The following CNOT6 variants were observed in gnomAD, a reference collection of about 807,000 sequenced individuals.
CNOT6 encodes the protein CCR4-NOT transcription complex subunit 6, also known as carbon catabolite repression 4 protein.
Under a neutral mutation model 61.2 loss-of-function variants are expected in CNOT6, and 12 were observed. The observed-to-expected ratio is 0.20, with a 90% CI of 0.13 to 0.32. The LOEUF (loss-of-function observed/expected upper bound fraction) is 0.32. CNOT6 is among the 10% of genes least tolerant of loss of function. CNOT6 has a pLI of 1.00. For missense variants in CNOT6, 405 were observed against 663.9 expected, an observed-to-expected ratio of 0.61 and a Z score of 4.28; for synonymous variants, 225 against 240.6, an observed-to-expected ratio of 0.94 and a Z score of 0.60.
chr5:180,557,907 T>C (rs200360997), intron 4 of CNOT6, among the ~76,000 whole-genome samples: 11 of 107,764 alleles, frequency 1.0e-4, no homozygotes, highest in African/African-American at 2.7e-4. Context: ...AAGGTTCTTT[T>C]TGTGTGTGTG....
chr5:180,566,411 C>T (rs1019070582), intron 7 of CNOT6, among the ~76,000 whole-genome samples: 1 of 152,132 alleles, frequency 6.6e-6, no homozygotes, highest in Non-Finnish European at 1.5e-5. Context: ...TGATCTTGAA[C>T]ATGTTACTTT....
chr5:180,535,994 T>G (rs1294735059), intron 2 of CNOT6, among the ~76,000 whole-genome samples: 2 of 38,264 alleles, frequency 5.2e-5, no homozygotes, highest in Non-Finnish European at 1.7e-4. Flanking sequence ...TAGGGTTTTT[T>G]TTTTTTTTTT....
At chr5:180,519,276 A>G (rs1485836833) in intron 1 of CNOT6, among the ~76,000 whole-genome samples, 2 of 152,232 alleles carry the variant, frequency 1.3e-5, no homozygotes, top group Non-Finnish European at 2.9e-5. Flanking sequence ...GTGTCAGGCA[A>G]TTGTGCAAGC....
rs186809713 is a variant in CNOT6, at chr5:180,576,858, T to C, written c.*2658T>C. On this transcript the variant is annotated 3_prime_UTR_variant, in exon 12 of 12. Transcript: ENST00000261951. ...TTTTTCAAAAATTCTGTAACAAATA[T>C]ATTTAATGTGTTGCCATAATGTCAT... 9.2e-5 allele frequency: 14 copies of C among 152,328 alleles called. No homozygotes were observed. Among genetic ancestry groups the C allele is most frequent in the African/African-American group, 3.1e-4 (13 of 41,568 alleles). 9.4% of individuals were successfully genotyped at this position (152,328 alleles called of 1,614,324 possible).
chr5:180,514,362 C>T (rs909303340), intron 1 of CNOT6, among the ~76,000 whole-genome samples: 2 of 152,118 alleles, frequency 1.3e-5, no homozygotes, highest in African/African-American at 2.4e-5. Flanking sequence ...GCAGAGGTTG[C>T]GGTGAGCCGA....
At chr5:180,566,698 C>A (rs914781236) in intron 7 of CNOT6, among the ~76,000 whole-genome samples, 3 of 133,676 alleles carry the variant, frequency 2.2e-5, no homozygotes, top group African/African-American at 8.8e-5. Flanking sequence ...CTTTCTCTGT[C>A]CCCCAGGCTG....
In CNOT6 at chr5:180,547,975, C is replaced by G. The variant is rs958758567; in HGVS notation, c.113-1956C>G. 3.1e-4 allele frequency among the ~76,000 whole-genome samples: 47 copies of G among 152,302 alleles called. 1 individual carries two copies. The highest frequency in any genetic ancestry group is 1.1e-3 in the African/African-American group (46 of 41,560). On this transcript the variant is annotated intron_variant, in intron 2 of 11. Transcript: ENST00000261951. ...TCTTGAACTCCTGACTTCAGGTGAT[C>G]TGCCCGCCTCAGCTTCCCAAAGTGC...
chr5:180,553,134 T>C (rs1401428996), intron 3 of CNOT6, among the ~76,000 whole-genome samples: 2 of 152,222 alleles, frequency 1.3e-5, no homozygotes, highest in East Asian at 1.9e-4. Flanking sequence ...TCTAATACTT[T>C]TTAAAAATTG....
chr5:180,512,687 C>G (rs1170779449), intron 1 of CNOT6, among the ~76,000 whole-genome samples: 1 of 151,064 alleles, frequency 6.6e-6, no homozygotes, highest in African/African-American at 2.5e-5. Flanking sequence ...GCCTCCACCT[C>G]CCAGGTTCAA....
Position 180,575,291 on chromosome 5 carries a change from T to C in CNOT6, c.*1091T>C, listed in dbSNP as rs576560028. On this transcript the variant is annotated 3_prime_UTR_variant, in exon 12 of 12. Coordinates refer to ENST00000261951, the MANE Select transcript of CNOT6 (RefSeq NM_001370472.1). ...TGTGGCTTTTTCCCATTGTGAAGCA[T>C]TGAATATCACATTTTGGAACATGTT... 1 of 152,342 alleles carries C rather than the reference T, an allele frequency of 6.6e-6. No homozygotes were observed. Among genetic ancestry groups the C allele is most frequent in the African/African-American group, 2.4e-5 (1 of 41,560 alleles). The allele number at this position is 152,342 out of a possible 1,614,324, so 9.4% of individuals were successfully genotyped here.
At chr5:180,559,090 T>C (rs1487175046) in intron 4 of CNOT6, among the ~76,000 whole-genome samples, 2 of 152,238 alleles carry the variant, frequency 1.3e-5, no homozygotes, top group Non-Finnish European at 2.9e-5. Context: ...AGAATGTGTT[T>C]TCTGTTTTTG....
chr5:180,534,009 A>G (rs1758539339), intron 2 of CNOT6, among the ~76,000 whole-genome samples: 1 of 152,212 alleles, frequency 6.6e-6, no homozygotes, highest in Non-Finnish European at 1.5e-5. Flanking sequence ...AAAGGTGGCC[A>G]CACCCATCAG....
chr5:180,541,674 G>C (rs2447734), intron 2 of CNOT6, among the ~76,000 whole-genome samples: 10,192 of 151,456 alleles, frequency 0.067, 480 homozygotes, highest in Non-Finnish European at 0.1. Context: ...GGATGGTCTC[G>C]ATCTCCTGAC....
intron 7 of CNOT6, among the ~76,000 whole-genome samples, chr5:180,566,656 T>TC (rs1760477147): frequency 6.9e-6 from 1 of 145,966 alleles, no homozygotes; most frequent in East Asian, 2.0e-4. Context: ...TTTTTTTTTT[T>TC]TTTTTTTTTT....
chr5:180,560,138 G>A (rs1173861492), intron 4 of CNOT6, among the ~76,000 whole-genome samples: 1 of 151,672 alleles, frequency 6.6e-6, no homozygotes, highest in African/African-American at 2.4e-5. Flanking sequence ...ATAGAGACGA[G>A]GTTTCACCAT....
intron 2 of CNOT6, among the ~76,000 whole-genome samples, chr5:180,538,780 G>A (rs1276533350): frequency 6.6e-6 from 1 of 150,852 alleles, no homozygotes; most frequent in Non-Finnish European, 1.5e-5. Flanking sequence ...AGGCTGAGGT[G>A]GGAGCATTAC....
chr5:180,557,122 G>T (rs1432928085), intron 4 of CNOT6, among the ~76,000 whole-genome samples: 2 of 152,134 alleles, frequency 1.3e-5, no homozygotes, highest in Non-Finnish European at 2.9e-5. Context: ...TAAATGTCTC[G>T]TGGTTAGTTT....
intron 1 of CNOT6, among the ~76,000 whole-genome samples, chr5:180,527,714 C>T (rs182564562): frequency 2.6e-4 from 39 of 152,212 alleles, no homozygotes; most frequent in Admixed American, 7.9e-4. Flanking sequence ...GTTGTCCTAA[C>T]GATGAGACTG....
At chr5:180,526,260 C>CT (rs1229100978) in intron 1 of CNOT6, among the ~76,000 whole-genome samples, 1 of 152,210 alleles carries the variant, frequency 6.6e-6, no homozygotes, top group East Asian at 1.9e-4. Flanking sequence ...GAGAAATGAA[C>CT]TTAAGACTTT....
Sources: gnomAD v4.1 joint callset for allele counts (sites outside exome capture counted in the v4.1 genomes callset) on GRCh38, gnomAD v4.1.1 for gene constraint, MANE v1.5 for transcripts, NCBI Gene and HGNC (gene_info 2026-07-23, HGNC 2026-07-21) for gene names.